The following CTIF variants were observed in gnomAD, a reference collection of about 807,000 sequenced individuals.
The protein encoded by CTIF is CBP80/20-dependent translation initiation factor.
In CTIF, 21 loss-of-function variants were observed where a neutral mutation model predicts 66.0. The observed-to-expected ratio is 0.32, with a 90% CI of 0.23 to 0.46. The LOEUF is 0.46. Among genes scored for constraint, CTIF ranks in the 20% least tolerant of loss-of-function variants. The pLI is 1.00. For missense variants in CTIF, 739 were observed against 812.7 expected, an observed-to-expected ratio of 0.91 and a Z score of 1.10; for synonymous variants, 345 against 326.4, an observed-to-expected ratio of 1.06 and a Z score of -0.62.
intron 2 of CTIF, 109 bp downstream of exon 2, chr18:48,619,854 T>G (rs1052367956): frequency 9.3e-7 from 1 of 1,079,594 alleles, no homozygotes; most frequent in Non-Finnish European, 1.3e-6. Context: ...CGCCAAGGCA[T>G]GAATGGTCCC....
At chr18:48,833,928 G>A (rs142729998) in intron 10 of CTIF, among the ~76,000 whole-genome samples, 255 of 152,280 alleles carry the variant, frequency 1.7e-3, no homozygotes, top group Non-Finnish European at 2.9e-3. Flanking sequence ...TTGGCCCAGC[G>A]CAGAGCAGGA....
chr18:48,578,155 C>T (rs1012294551), intron 1 of CTIF, among the ~76,000 whole-genome samples: 2 of 151,642 alleles, frequency 1.3e-5, no homozygotes, highest in African/African-American at 4.9e-5. Context: ...CTCAGCTCTT[C>T]ATTTTTTTTT....
At chr18:48,626,043 C>T (rs1238511919) in intron 2 of CTIF, among the ~76,000 whole-genome samples, 3 of 139,956 alleles carry the variant, frequency 2.1e-5, no homozygotes, top group African/African-American at 8.2e-5. Context: ...ACTCTGTCAC[C>T]AAGGCTGTAG....
At chr18:48,797,498 G>GGT (rs1555695542) in intron 9 of CTIF, among the ~76,000 whole-genome samples, 130 of 147,528 alleles carry the variant, frequency 8.8e-4, no homozygotes, top group African/African-American at 3.3e-3. Flanking sequence ...GAAAAGGGGT[G>GGT]GGGGGGCAAG....
Position 48,742,879 on chromosome 18 carries a change from C to T in CTIF, c.585-15040C>T, listed in dbSNP as rs530025750. Among the ~76,000 whole-genome samples the T allele has an allele frequency of 5.9e-5, 9 of 152,256 alleles. No individual in the cohort carries two copies. The East Asian group carries it at 1.2e-3, about 20-fold the overall frequency. On this transcript the variant is annotated intron_variant, in intron 7 of 11. Coordinates refer to ENST00000256413, the MANE Select transcript of CTIF (RefSeq NM_014772.3). The stretch of plus-strand genomic sequence containing the variant: ...TTGCCTATGGTCATGGGGTGAGCAT[C>T]GGGGCTTCACGGAGATGGGAGCAGC...
intron 7 of CTIF, among the ~76,000 whole-genome samples, chr18:48,732,036 G>T (rs1194303157): frequency 6.6e-6 from 1 of 152,366 alleles, no homozygotes; most frequent in East Asian, 1.9e-4. Flanking sequence ...AATTCTTGTT[G>T]TAGGTTATCA....
intron 10 of CTIF, among the ~76,000 whole-genome samples, chr18:48,852,955 AC>A (rs1361292876): frequency 6.6e-6 from 1 of 152,134 alleles, no homozygotes; most frequent in African/African-American, 2.4e-5. Context: ...CCTTCTGGTG[AC>A]AGGGGTATGG....
intron 9 of CTIF, among the ~76,000 whole-genome samples, chr18:48,771,407 A>G (rs1357040327): frequency 1.3e-5 from 2 of 152,128 alleles, no homozygotes; most frequent in East Asian, 3.9e-4. Context: ...AGGCATGGGA[A>G]TAGCACAGGC....
intron 6 of CTIF, among the ~76,000 whole-genome samples, chr18:48,672,869 C>G (rs917669470): frequency 1.3e-5 from 2 of 152,176 alleles, no homozygotes; most frequent in African/African-American, 2.4e-5. Flanking sequence ...GCACCCTTGC[C>G]CAGCCTCTGT....
At chr18:48,612,094 T>A (rs1460652133) in intron 1 of CTIF, among the ~76,000 whole-genome samples, 3 of 152,218 alleles carry the variant, frequency 2.0e-5, no homozygotes, top group African/African-American at 7.2e-5. Context: ...GACCTGGGGC[T>A]CCTGCACATG....
chr18:48,783,154 G>T (rs998119181), intron 9 of CTIF, among the ~76,000 whole-genome samples: 11 of 152,222 alleles, frequency 7.2e-5, no homozygotes, highest in Admixed American at 6.5e-4. Context: ...ATCCAGGCCT[G>T]TTAGACACAG....
chr18:48,543,097 C>A (rs1186300187), intron 1 of CTIF, among the ~76,000 whole-genome samples: 2 of 152,164 alleles, frequency 1.3e-5, no homozygotes, highest in Non-Finnish European at 2.9e-5. Flanking sequence ...CCAAACTCAC[C>A]GTCTGGTCCC....
intron 1 of CTIF, among the ~76,000 whole-genome samples, chr18:48,599,294 G>T (rs28446754): frequency 6.6e-6 from 1 of 151,784 alleles, no homozygotes; most frequent in Admixed American, 6.6e-5. Flanking sequence ...AGCCAGGGGG[G>T]TCAACAGCCA....
intron 1 of CTIF, among the ~76,000 whole-genome samples, chr18:48,559,078 C>T (rs2089089996): frequency 1.3e-5 from 2 of 152,128 alleles, no homozygotes; most frequent in African/African-American, 4.8e-5. Context: ...ATCATATTTT[C>T]TGAATCAAAA....
intron 1 of CTIF, among the ~76,000 whole-genome samples, chr18:48,587,739 T>TC (rs1175607566): frequency 1.3e-5 from 2 of 152,222 alleles, no homozygotes; most frequent in African/African-American, 2.4e-5. Flanking sequence ...TTTTCTTTTT[T>TC]CCCCCAAAAG....
intron 2 of CTIF, among the ~76,000 whole-genome samples, chr18:48,622,013 G>A (rs557577681): frequency 1.3e-5 from 2 of 152,332 alleles, no homozygotes; most frequent in Non-Finnish European, 2.9e-5. Flanking sequence ...TTTCTCTCCA[G>A]CGGCTTGCGG....
chr18:48,579,884 T>C (rs1376719241), intron 1 of CTIF, among the ~76,000 whole-genome samples: 2 of 152,248 alleles, frequency 1.3e-5, no homozygotes, highest in Non-Finnish European at 2.9e-5. Flanking sequence ...AGGTGTAAAC[T>C]TTCCTAGTCA....
At chr18:48,624,159 C>T (rs1017039050) in intron 2 of CTIF, among the ~76,000 whole-genome samples, 5 of 148,456 alleles carry the variant, frequency 3.4e-5, no homozygotes, top group East Asian at 2.0e-4. Context: ...CTTGACACCA[C>T]GCCCCTCCCC....
intron 1 of CTIF, among the ~76,000 whole-genome samples, chr18:48,576,383 A>G (rs1454883988): frequency 6.6e-6 from 1 of 152,234 alleles, no homozygotes; most frequent in East Asian, 1.9e-4. Context: ...GAGGCGGGGT[A>G]CTGGTGCCAG....
Sources: gnomAD v4.1 joint callset for allele counts (sites outside exome capture counted in the v4.1 genomes callset) on GRCh38, gnomAD v4.1.1 for gene constraint, MANE v1.5 for transcripts, NCBI Gene and HGNC (gene_info 2026-07-23, HGNC 2026-07-21) for gene names.